Variants in NRXN1 observed in about 807,000 individuals in gnomAD.
NRXN1 encodes neurexin-1.
A neutral mutation model predicts 150.9 loss-of-function variants in NRXN1; 39 were observed. The ratio of observed to expected loss-of-function variants is 0.26; its 90% CI spans 0.20 to 0.34. The LOEUF (loss-of-function observed/expected upper bound fraction) is 0.34. Among genes scored for constraint, NRXN1 ranks in the 10% least tolerant of loss-of-function variants. The pLI is 1.00. For synonymous variants in NRXN1, 924 were observed against 757.0 expected (o/e 1.22, Z -3.62); for missense variants, 1,815 against 1,949.9 (o/e 0.93, Z 1.30).
At chr2:50,656,839 T>C (rs1686545005) in intron 5 of NRXN1, among the ~76,000 whole-genome samples, 1 of 151,982 alleles carries the variant, frequency 6.6e-6, no homozygotes. Flanking sequence ...ATGCTATCAT[T>C]GAAATTAATT....
At chr2:50,070,782 A>AAC (rs1345252096) in intron 19 of NRXN1, among the ~76,000 whole-genome samples, 5,093 of 150,902 alleles carry the variant, frequency 0.034, 331 homozygotes, top group African/African-American at 0.12. Flanking sequence ...AAAAAAAAAA[A>AAC]AAAAAAACCT....
At chr2:50,123,816 T>A (rs1304811998) in intron 18 of NRXN1, among the ~76,000 whole-genome samples, 2 of 152,164 alleles carry the variant, frequency 1.3e-5, no homozygotes, top group Non-Finnish European at 2.9e-5. Flanking sequence ...CAACAGGCAG[T>A]ATGAATTGCT....
Position 50,324,653 on chromosome 2 carries a change from T to C in NRXN1, c.3365-87683A>G, listed in dbSNP as rs577250065. 5.3e-4 allele frequency among the ~76,000 whole-genome samples: 80 copies of C among 152,354 alleles called. 1 individual carries two copies. The South Asian group carries it at 0.015, about 28-fold the overall frequency. ...GCCTCCCGGGTTCACGCCATTCTCC[T>C]GCCTCAGCCTCCCGAGTAGCTGGGA... On this transcript the variant is annotated intron_variant, in intron 17 of 22. Transcript: ENST00000401669.
chr2:50,524,133 A>C (rs1326886041), intron 12 of NRXN1, among the ~76,000 whole-genome samples: 2 of 152,200 alleles, frequency 1.3e-5, no homozygotes, highest in East Asian at 3.9e-4. Context: ...ATGCAAACAA[A>C]ACAAGCCCCA....
chr2:50,250,472 T>C (rs1178588487), intron 17 of NRXN1, among the ~76,000 whole-genome samples: 1 of 152,084 alleles, frequency 6.6e-6, no homozygotes, highest in Non-Finnish European at 1.5e-5. Flanking sequence ...CATTTTTAAA[T>C]ACCACTATGT....
chr2:50,133,416 G>C lies in NRXN1; in HGVS notation c.3547-41922C>G, dbSNP rs1379574581. 2.6e-5 allele frequency among the ~76,000 whole-genome samples: 4 copies of C among 152,138 alleles called. No homozygotes were observed. In the East Asian group the frequency reaches 5.8e-4, roughly 22 times the overall value. ...CAGAACAACCACTGAAAATTCTCCA[G>C]AGGAAATAATTGTGCTTATAACATA... On this transcript the variant is annotated intron_variant, in intron 18 of 22. Transcript: ENST00000401669.
At chr2:49,970,789 T>C (rs974607657) in intron 21 of NRXN1, among the ~76,000 whole-genome samples, 1 of 152,166 alleles carries the variant, frequency 6.6e-6, no homozygotes, top group Non-Finnish European at 1.5e-5. Flanking sequence ...ATGTCTTTAA[T>C]AATCTCAAGT....
chr2:50,951,909 T>C (rs970621000), intron 2 of NRXN1, among the ~76,000 whole-genome samples: 1 of 148,418 alleles, frequency 6.7e-6, no homozygotes, highest in Non-Finnish European at 1.5e-5. Flanking sequence ...TCTATGAATT[T>C]CATTTTTAGA....
intron 17 of NRXN1, among the ~76,000 whole-genome samples, chr2:50,272,185 A>T (rs1039272326): frequency 3.3e-5 from 5 of 152,160 alleles, no homozygotes; most frequent in Admixed American, 2.0e-4. Context: ...GGCGGAGAAA[A>T]CGTAGAAAAC....
intron 5 of NRXN1, among the ~76,000 whole-genome samples, chr2:50,844,333 C>T (rs1293072446): frequency 5.3e-5 from 8 of 152,152 alleles, no homozygotes; most frequent in African/African-American, 1.7e-4. Flanking sequence ...TTTGATTTCC[C>T]AATAACAAAA....
chr2:50,036,741 C>G (rs1378446834), intron 21 of NRXN1, among the ~76,000 whole-genome samples: 1 of 152,108 alleles, frequency 6.6e-6, no homozygotes, highest in Non-Finnish European at 1.5e-5. Context: ...GAGTTCTGTA[C>G]CTGAGCCTCA....
chr2:50,829,999 G>GGAAAAAAAAAAAAAAAA (rs1425873902), intron 5 of NRXN1, among the ~76,000 whole-genome samples: 3 of 58,206 alleles, frequency 5.2e-5, no homozygotes, highest in East Asian at 7.6e-4. Context: ...CTGCCTGCTG[G>GGAAAAAAAAAAAAAAAA]AAAAAAAAAA....
chr2:50,441,042 C>G (rs946307873), intron 17 of NRXN1, among the ~76,000 whole-genome samples: 1 of 152,128 alleles, frequency 6.6e-6, no homozygotes, highest in Non-Finnish European at 1.5e-5. Flanking sequence ...AATTGAAATA[C>G]AGAGAAGATT....
chr2:50,249,869 C>G (rs890753940), intron 17 of NRXN1, among the ~76,000 whole-genome samples: 5 of 152,098 alleles, frequency 3.3e-5, no homozygotes, highest in East Asian at 1.9e-4. Context: ...AACTCCTGAC[C>G]TCAGGTGATC....
intron 22 of NRXN1, among the ~76,000 whole-genome samples, chr2:49,940,206 A>G (rs926587110): frequency 6.6e-6 from 1 of 152,200 alleles, no homozygotes; most frequent in African/African-American, 2.4e-5. Flanking sequence ...GTAATGGTGC[A>G]TCTCCTTACA....
At chr2:50,646,594 C>G (rs900594574) in intron 5 of NRXN1, among the ~76,000 whole-genome samples, 1 of 151,692 alleles carries the variant, frequency 6.6e-6, no homozygotes, top group Non-Finnish European at 1.5e-5. Flanking sequence ...TCACATTAAT[C>G]TATTTTCCAC....
intron 17 of NRXN1, among the ~76,000 whole-genome samples, chr2:50,259,791 C>A (rs2068066601): frequency 6.6e-6 from 1 of 151,760 alleles, no homozygotes; most frequent in South Asian, 2.1e-4. Flanking sequence ...ACTATATTGT[C>A]CCAGGATGTC....
At chr2:49,984,162 G>T (rs1199206883) in intron 21 of NRXN1, among the ~76,000 whole-genome samples, 1 of 151,858 alleles carries the variant, frequency 6.6e-6, no homozygotes, top group Non-Finnish European at 1.5e-5. Flanking sequence ...GTGAGACCTG[G>T]TTTCAAAAAA....
intron 21 of NRXN1, among the ~76,000 whole-genome samples, chr2:50,007,567 T>G (rs1008848453): frequency 2.6e-5 from 4 of 152,160 alleles, no homozygotes; most frequent in Admixed American, 6.5e-5. Context: ...GAACTCATCC[T>G]TTTTTATGGC....
Sources: allele counts gnomAD v4.1 joint callset (sites outside exome capture counted in the v4.1 genomes callset), GRCh38; gene constraint gnomAD v4.1.1; transcripts MANE v1.5; gene names NCBI Gene and HGNC (gene_info 2026-07-23, HGNC 2026-07-21).